SKP2: variants seen among roughly 807,000 people sequenced by gnomAD.
SKP2 encodes S-phase kinase associated protein 2, also known as S-phase kinase-associated protein 2.
A neutral mutation model predicts 51.8 loss-of-function variants in SKP2; 16 were observed. That is an observed-to-expected ratio of 0.31 (90% confidence interval 0.21 to 0.47). SKP2 has a LOEUF of 0.47. SKP2 is among the 20% of genes least tolerant of loss of function. The probability of loss-of-function intolerance (pLI) is 1.00; values close to 1 mark genes in which losing one functional copy is unlikely to be tolerated. For missense variants in SKP2, 377 were observed against 505.3 expected (o/e 0.75, Z 2.43); for synonymous variants, 176 against 198.6 (o/e 0.89, Z 0.96).
At chr5:36,160,595 A>G (rs1321256143) in intron 2 of SKP2, among the ~76,000 whole-genome samples, 2 of 152,234 alleles carry the variant, frequency 1.3e-5, no homozygotes, top group African/African-American at 4.8e-5. Context: ...GGATGACTAT[A>G]CTTATAGCTA....
At position 36,181,941 on chromosome 5, in the gene SKP2, C is replaced by T; in HGVS notation, c.1185C>T (p.Thr395=). 1 of 1,614,118 alleles carries T rather than the reference C, an allele frequency of 6.2e-7. No individual in the cohort carries two copies. The highest frequency in any genetic ancestry group is 8.5e-7 in the Non-Finnish European group (1 of 1,179,996). The change falls in exon 10 of 10, where the codon ACC becomes ACT. Residue 395 remains threonine (T), a synonymous_variant. Coordinates refer to ENST00000274255, the MANE Select transcript of SKP2 (RefSeq NM_005983.4). ...HLQINCSHFT[T]IARPTIGNKK... is the part of the protein sequence containing the mutation. ...AGATTAATTGCTCCCATTTCACCAC[C>T]ATTGCCAGGCCAACTATTGGCAACA... is the stretch of plus-strand genomic sequence containing the variant.
chr5:36,179,474 A>G (rs1330249962), intron 9 of SKP2, among the ~76,000 whole-genome samples: 2 of 152,166 alleles, frequency 1.3e-5, no homozygotes, highest in African/African-American at 4.8e-5. Context: ...ACCTATTCCC[A>G]TTATATTTAT....
At chr5:36,165,584 G>C (rs1313168110) in intron 3 of SKP2, among the ~76,000 whole-genome samples, 1 of 152,086 alleles carries the variant, frequency 6.6e-6, no homozygotes, top group East Asian at 1.9e-4. Context: ...AGATACAAAA[G>C]TGTGCCACTC....
chr5:36,153,573 C>T (rs1429043797), intron 2 of SKP2, among the ~76,000 whole-genome samples: 1 of 152,088 alleles, frequency 6.6e-6, no homozygotes, highest in Non-Finnish European at 1.5e-5. Flanking sequence ...TGTTTAATCA[C>T]CCAACCCGAA....
In SKP2 at chr5:36,190,841, A is replaced by AT. The variant is rs561875875; in HGVS notation, c.633-1776dup. Among the ~76,000 whole-genome samples, 210 of 152,222 alleles carry AT rather than the reference A, an allele frequency of 1.4e-3. 1 individual carries two copies. Among genetic ancestry groups the AT allele is most frequent in the African/African-American group, 4.9e-3 (202 of 41,528 alleles). On this transcript the variant is annotated intron_variant, in intron 6 of 7. Transcript: ENST00000677886. ...AACCCAGACCCATAATATCATAACTATTTTGGTATATACCTCTAAAAGTTA... is the reference window on the plus strand; with the variant it reads ...AACCCAGACCCATAATATCATAACTATTTTTGGTATATACCTCTAAAAGTTA...
chr5:36,161,544 TG>T (rs2111963458), intron 2 of SKP2, among the ~76,000 whole-genome samples: 1 of 152,334 alleles, frequency 6.6e-6, no homozygotes, highest in African/African-American at 2.4e-5. Context: ...TCCAAATGGC[TG>T]GAACACATTT....
chr5:36,162,812 T>G (rs1034248215), intron 2 of SKP2, among the ~76,000 whole-genome samples: 1 of 152,190 alleles, frequency 6.6e-6, no homozygotes, highest in Non-Finnish European at 1.5e-5. Flanking sequence ...AGAGGTTTAA[T>G]TGACTCACAG....
intron 6 of SKP2, chr5:36,192,486 T>A (rs1746054290): frequency 1.3e-5 from 2 of 152,152 alleles, no homozygotes; most frequent in South Asian, 4.1e-4. Flanking sequence ...ATATAACGTA[T>A]CCTTAAACTT....
rs1282023534 is a variant in SKP2 at position 36,152,214 on chromosome 5, A to T, written c.-49A>T. The T allele has an allele frequency of 1.2e-6, 2 of 1,609,068 alleles. No individual in the cohort carries two copies. The highest frequency in any genetic ancestry group is 1.7e-6 in the Non-Finnish European group (2 of 1,175,630). On this transcript the variant is annotated 5_prime_UTR_variant, in exon 1 of 10. Transcript: ENST00000274255. ...CAAAGCGGGAATCTGGGAGGCGAGCAGCTCTGCAGTTAATGCACGTATTTT... is the reference window on the plus strand; with the variant it reads ...CAAAGCGGGAATCTGGGAGGCGAGCTGCTCTGCAGTTAATGCACGTATTTT...
chr5:36,167,099 G>A (rs1745311348), intron 4 of SKP2, among the ~76,000 whole-genome samples: 1 of 151,816 alleles, frequency 6.6e-6, no homozygotes. Context: ...GGAGAAATTT[G>A]GAACCTGAAA....
chr5:36,183,815 T>C lies in SKP2; in HGVS notation c.*1784T>C. ...TTCTTAATAGTTAAAAAGTGCTAAA[T>C]ACTACTTGAAATTATTGTTTACAGA... is the stretch of plus-strand genomic sequence containing the variant. On this transcript the variant is annotated 3_prime_UTR_variant, in exon 10 of 10. Coordinates refer to ENST00000274255, the MANE Select transcript of SKP2 (RefSeq NM_005983.4). 1 of 1,568,546 alleles carries C rather than the reference T, an allele frequency of 6.4e-7. No homozygotes were observed. Among genetic ancestry groups the C allele is most frequent in the Non-Finnish European group, 8.6e-7 (1 of 1,163,212 alleles).
At chr5:36,156,309 T>C (rs1744944908) in intron 2 of SKP2, among the ~76,000 whole-genome samples, 1 of 152,156 alleles carries the variant, frequency 6.6e-6, no homozygotes, top group South Asian at 2.1e-4. Flanking sequence ...TTGTCTGCAG[T>C]TGTCAGGACA....
At position 36,171,740 on chromosome 5, in the gene SKP2, G is replaced by A. The variant is rs1361183333; in HGVS notation, c.901+7G>A. On this transcript the variant is annotated splice_region_variant and intron_variant, in intron 7 of 9. Transcript: ENST00000274255. ...AAGAATCTCCAGAAATCAGGTTAGA[G>A]CTTCCAAGCCTGGACCACTGAGGCC... 3 of 1,613,474 alleles carry A rather than the reference G, an allele frequency of 1.9e-6. No individual in the cohort carries two copies. The highest frequency in any genetic ancestry group is 8.5e-7 in the Non-Finnish European group (1 of 1,179,650).
At chr5:36,170,270 T>G in intron 5 of SKP2, 74 bp from the exon 6 acceptor site, 2 of 834,748 alleles carry the variant, frequency 2.4e-6, no homozygotes, top group Non-Finnish European at 4.0e-6. Context: ...TACACTCGCC[T>G]GCTTTCATCT....
chr5:36,191,053 T>C (rs367764649), intron 6 of SKP2, among the ~76,000 whole-genome samples: 5 of 152,188 alleles, frequency 3.3e-5, no homozygotes, highest in African/African-American at 1.2e-4. Context: ...TTGTAATTTA[T>C]TTATTGAAGA....
chr5:36,170,825 C>T (rs529352538), intron 6 of SKP2, among the ~76,000 whole-genome samples: 84 of 152,174 alleles, frequency 5.5e-4, no homozygotes, highest in Middle Eastern at 3.4e-3. Context: ...TAAATATAGA[C>T]CGTAAATTTG....
At chr5:36,168,116 C>T (rs1356290001) in intron 4 of SKP2, among the ~76,000 whole-genome samples, 197 bp from the exon 5 acceptor site, 2 of 152,200 alleles carry the variant, frequency 1.3e-5, no homozygotes, top group African/African-American at 4.8e-5. Flanking sequence ...CAAAAATCCT[C>T]TTGCATTTTA....
chr5:36,166,207 T>G (rs1309137106), intron 3 of SKP2, among the ~76,000 whole-genome samples: 1 of 152,242 alleles, frequency 6.6e-6, no homozygotes, highest in Non-Finnish European at 1.5e-5. Flanking sequence ...TTTTTAAATT[T>G]GTCAACTTGA....
intron 7 of SKP2, among the ~76,000 whole-genome samples, chr5:36,173,329 T>C (rs73751607): frequency 0.014 from 2,092 of 152,314 alleles, 53 homozygotes; most frequent in African/African-American, 0.048. Context: ...AAAGTGGAAT[T>C]GCTGGGTCCA....
Sources: gnomAD v4.1 joint callset for allele counts (sites outside exome capture counted in the v4.1 genomes callset) on GRCh38, gnomAD v4.1.1 for gene constraint, MANE v1.5 for transcripts, NCBI Gene and HGNC (gene_info 2026-07-23, HGNC 2026-07-21) for gene names.